USP9X: variants seen among roughly 807,000 people sequenced by gnomAD.
The protein encoded by USP9X is ubiquitin specific peptidase 9 X-linked.
Under a neutral mutation model 190.3 loss-of-function variants are expected in USP9X, and 7 were observed. The ratio of observed to expected loss-of-function variants is 0.04; its 90% CI spans 0.02 to 0.07. The LOEUF (loss-of-function observed/expected upper bound fraction) is 0.07, where lower values mean the gene tolerates loss of function less well. Ranked by LOEUF, USP9X falls within the 10% of genes least tolerant of loss-of-function variation. USP9X has a pLI of 1.00. For missense variants in USP9X, 1,010 were observed against 1,916.9 expected (o/e 0.53, Z 8.83); for synonymous variants, 645 against 659.5 (o/e 0.98, Z 0.34).
At chrX:41,181,743 C>T (rs2062829288) in intron 21 of USP9X, among the ~76,000 whole-genome samples, 1 of 110,304 alleles carries the variant, frequency 9.1e-6, no homozygotes, top group African/African-American at 3.3e-5. Flanking sequence ...GCCACTGCGC[C>T]CGGCCCACAC....
chrX:41,122,907 C>A (rs1379609550), intron 1 of USP9X, among the ~76,000 whole-genome samples: 1 of 111,126 alleles, frequency 9.0e-6, no homozygotes, highest in Non-Finnish European at 1.9e-5. Context: ...CTCCTCTCCA[C>A]CTTTAGACAC....
At chrX:41,089,040 G>A (rs185331593) in intron 1 of USP9X, among the ~76,000 whole-genome samples, 31 of 112,215 alleles carry the variant, frequency 2.8e-4, no homozygotes, top group Non-Finnish European at 1.1e-4. Context: ...AGGGAGCCTG[G>A]GCAAAGGTAT....
At position 41,222,650 on chromosome X, in the gene USP9X, G is replaced by T. The variant is rs115291357; in HGVS notation, c.6566-567G>T. On this transcript the variant is annotated intron_variant, in intron 38 of 44. Coordinates refer to ENST00000378308, the MANE Select transcript of USP9X (RefSeq NM_001039591.3). ...GAAAGTGTTCGTCTTCTGGTCGGGCGTGGTGGCTCATAATCCCAGCACTGT... is the reference window on the plus strand; with the variant it reads ...GAAAGTGTTCGTCTTCTGGTCGGGCTTGGTGGCTCATAATCCCAGCACTGT... 7.0e-3 allele frequency among the ~76,000 whole-genome samples: 784 copies of T among 111,327 alleles called. 5 individuals carry two copies. Among genetic ancestry groups the T allele is most frequent in the African/African-American group, 0.023 (717 of 30,658 alleles).
chrX:41,195,701 G>A (rs1290987298), intron 26 of USP9X, among the ~76,000 whole-genome samples: 1 of 111,916 alleles, frequency 8.9e-6, no homozygotes, highest in Non-Finnish European at 1.9e-5. Flanking sequence ...CCTTGCATGT[G>A]TAGTTCAATA....
At chrX:41,227,706 C>CT (rs373162842) in intron 41 of USP9X, among the ~76,000 whole-genome samples, 1,930 of 104,679 alleles carry the variant, frequency 0.018, 44 homozygotes, top group African/African-American at 0.058. Flanking sequence ...GATTCCAGAA[C>CT]TTTTTTTTTT....
Position 41,124,013 on chromosome X carries a change from A to T in USP9X, c.96+289A>T, listed in dbSNP as rs191718350. On this transcript the variant is annotated intron_variant, in intron 2 of 44. Transcript: ENST00000378308. The stretch of plus-strand genomic sequence containing the variant: ...AGCTGAGATGGCGCCACCGTACTCC[A>T]GCCTGGGTGACAGAGCGAGTCTCTG... Among the ~76,000 whole-genome samples, 181 of 111,397 alleles carry T rather than the reference A, an allele frequency of 1.6e-3. 2 individuals carry two copies. The highest frequency in any genetic ancestry group is 2.9e-3 in the Non-Finnish European group (153 of 52,988).
chrX:41,121,082 A>T (rs1419762229), intron 1 of USP9X, among the ~76,000 whole-genome samples: 1 of 106,966 alleles, frequency 9.3e-6, no homozygotes, highest in African/African-American at 3.4e-5. Context: ...TCCTGACCTC[A>T]AGTGATTCGC....
At chrX:41,134,281 G>A (rs1469360174) in intron 4 of USP9X, among the ~76,000 whole-genome samples, 1 of 112,136 alleles carries the variant, frequency 8.9e-6, no homozygotes, top group Non-Finnish European at 1.9e-5. Context: ...GTGAAATTAA[G>A]CAAAGATATA....
At chrX:41,118,807 C>G (rs1003571928) in intron 1 of USP9X, among the ~76,000 whole-genome samples, 5 of 111,726 alleles carry the variant, frequency 4.5e-5, no homozygotes, top group African/African-American at 1.6e-4. Context: ...GTAGAGCCAA[C>G]TCTCTAGTGG....
Position 41,145,490 on chromosome X carries a change from G to A in USP9X, c.1419+864G>A, listed in dbSNP as rs370167121. Among the ~76,000 whole-genome samples the A allele has an allele frequency of 2.5e-3, 284 of 111,785 alleles. 1 individual carries two copies. The highest frequency in any genetic ancestry group is 8.6e-3 in the African/African-American group (266 of 30,817). ...ATAAAACATAGAATAGATAAATTAT[G>A]GAATGTTCATACAGTGCAATATTTC... On this transcript the variant is annotated intron_variant, in intron 11 of 44. Transcript: ENST00000378308.
At chrX:41,230,036 A>G (rs1187076808) in intron 43 of USP9X, 4 of 390,919 alleles carry the variant, frequency 1.0e-5, no homozygotes, top group East Asian at 5.1e-5. Context: ...TCCCATCTCC[A>G]CTAAAAATAG....
In USP9X at chrX:41,224,887, C is replaced by G. The variant is rs1294373551; in HGVS notation, c.6897C>G (p.Thr2299=). Residue 2299 remains threonine, a synonymous_variant, in exon 40 of 45, where the codon ACC becomes ACG. Transcript: ENST00000378308. ...IIEDCSNSEE[T]VKLLRFCCWE... is the part of the protein sequence containing the mutation. ...AAGACTGCAGTAATTCAGAGGAAAC[C>G]GTCAAATTGCTTCGTTTTTGCTGCT... The G allele has an allele frequency of 8.3e-7, 1 of 1,210,246 alleles. No individual in the cohort carries two copies. Among genetic ancestry groups the G allele is most frequent in the African/African-American group, 1.7e-5 (1 of 57,265 alleles).
At chrX:41,224,983 GT>G in intron 40 of USP9X, 21 bp downstream of exon 40, 1 of 1,208,708 alleles carries the variant, frequency 8.3e-7, no homozygotes, top group Non-Finnish European at 1.1e-6. Context: ...AATAACATTT[GT>G]ATGTTTATAA....
intron 1 of USP9X, among the ~76,000 whole-genome samples, chrX:41,102,406 T>G (rs2062040560): frequency 9.0e-6 from 1 of 110,512 alleles, no homozygotes; most frequent in Admixed American, 9.7e-5. Context: ...TCACTTGAGG[T>G]CAGGAGTTCA....
chrX:41,138,937 A>G (rs1178506046), intron 6 of USP9X, among the ~76,000 whole-genome samples: 1 of 112,627 alleles, frequency 8.9e-6, no homozygotes. Context: ...TTAGAGCCAG[A>G]GAAGGAAAGC....
chrX:41,176,454 A>G (rs2062775629), intron 21 of USP9X, among the ~76,000 whole-genome samples: 1 of 111,726 alleles, frequency 9.0e-6, no homozygotes, highest in African/African-American at 3.3e-5. Context: ...TACAGAGGAA[A>G]TGCTGACTTG....
chrX:41,197,867 G>A (rs2147193181), intron 29 of USP9X, among the ~76,000 whole-genome samples: 1 of 108,224 alleles, frequency 9.2e-6, no homozygotes, highest in East Asian at 2.9e-4. Context: ...AAAAAAAATT[G>A]CCAGGTGTGG....
intron 26 of USP9X, among the ~76,000 whole-genome samples, chrX:41,192,841 G>A (rs1232253043): frequency 9.0e-6 from 1 of 111,442 alleles, no homozygotes; most frequent in African/African-American, 3.3e-5. Flanking sequence ...AAGTATATCA[G>A]ATAGGAATAA....
chrX:41,135,982 A>T (rs1218078612), intron 5 of USP9X, among the ~76,000 whole-genome samples: 2 of 111,120 alleles, frequency 1.8e-5, no homozygotes, highest in Non-Finnish European at 3.8e-5. Context: ...AGCAGATAAT[A>T]TTTTTGTGGC....
Sources: gnomAD v4.1 joint callset for allele counts (sites outside exome capture counted in the v4.1 genomes callset) on GRCh38, gnomAD v4.1.1 for gene constraint, MANE v1.5 for transcripts, NCBI Gene and HGNC (gene_info 2026-07-23, HGNC 2026-07-21) for gene names.